PGR: variants seen among roughly 807,000 people sequenced by gnomAD.
PGR encodes nuclear receptor subfamily 3 group C member 3.
PGR carries 25 observed loss-of-function variants against 76.1 expected under a neutral mutation model. The observed-to-expected ratio is 0.33, with a 90% CI of 0.24 to 0.46. PGR has a LOEUF of 0.46. Ranked by LOEUF, PGR falls within the 20% of genes least tolerant of loss-of-function variation. The pLI is 1.00. For synonymous variants in PGR, 579 were observed against 535.0 expected (o/e 1.08, Z -1.14); for missense variants, 1,172 against 1,225.3 (o/e 0.96, Z 0.65).
intron 2 of PGR, among the ~76,000 whole-genome samples, chr11:101,106,456 A>C (rs1862166087): frequency 6.6e-6 from 1 of 152,228 alleles, no homozygotes; most frequent in African/African-American, 2.4e-5. Flanking sequence ...GCCGACAGAC[A>C]TGAAAAAATG....
chr11:101,047,757 TC>T lies in PGR; in HGVS notation c.2488+2171del, dbSNP rs556410711. On this transcript the variant is annotated intron_variant, in intron 6 of 7. Transcript: ENST00000325455. ...ATCAGTTTGTACATTTGAGGGCTGA[TC>T]CTGCCTATGCAAGGGTCAAAGCAGC... Among the ~76,000 whole-genome samples, 355 of 152,308 alleles carry T rather than the reference TC, an allele frequency of 2.3e-3. 2 individuals are homozygous for T. Among genetic ancestry groups the T allele is most frequent in the African/African-American group, 8.0e-3 (332 of 41,564 alleles).
chr11:101,057,614 T>TA (rs983399156), intron 4 of PGR, among the ~76,000 whole-genome samples: 6 of 152,074 alleles, frequency 3.9e-5, no homozygotes, highest in Non-Finnish European at 8.8e-5. Flanking sequence ...TGAATCCAAG[T>TA]AAAAAAAGAC....
intron 1 of PGR, chr11:101,127,161 G>T (rs965326306): frequency 3.6e-6 from 1 of 276,618 alleles, no homozygotes; most frequent in Non-Finnish European, 6.7e-6. Context: ...GGAAGATTCG[G>T]AAAGTTAAAA....
In PGR at chr11:101,089,205, C is replaced by T. The variant is rs7114950; in HGVS notation, c.1906+2555G>A. Among the ~76,000 whole-genome samples the T allele has an allele frequency of 7.3e-3, 1,112 of 151,642 alleles. 17 individuals carry two copies. Among genetic ancestry groups the T allele is most frequent in the African/African-American group, 0.025 (1,042 of 41,378 alleles). On this transcript the variant is annotated intron_variant, in intron 3 of 7. Coordinates refer to ENST00000325455, the MANE Select transcript of PGR (RefSeq NM_000926.4). ...AAAGCTGAAAAAATAAATAGAGCTG[C>T]GATAGCTGGAAAAAAATGGTCTAAT...
intron 2 of PGR, among the ~76,000 whole-genome samples, chr11:101,113,470 C>G (rs988122105): frequency 4.0e-5 from 6 of 151,112 alleles, no homozygotes; most frequent in Non-Finnish European, 7.4e-5. Context: ...GTTTCTTTCA[C>G]CGTGTTAGCC....
chr11:101,068,867 T>G (rs945651595), intron 3 of PGR, among the ~76,000 whole-genome samples: 4 of 151,980 alleles, frequency 2.6e-5, no homozygotes, highest in Admixed American at 2.6e-4. Flanking sequence ...AAAAATTAAC[T>G]CAAGATGGAC....
intron 5 of PGR, 102 bp from the exon 6 acceptor site, chr11:101,050,161 C>T: frequency 8.6e-7 from 1 of 1,156,364 alleles, no homozygotes; most frequent in Admixed American, 2.0e-5. Context: ...TGGTAATTAC[C>T]TTACATATTA....
In PGR at chr11:101,032,172, TC is replaced by T. The variant is rs1859374251; in HGVS notation, c.*6943del. On this transcript the variant is annotated 3_prime_UTR_variant, in exon 8 of 8. Transcript: ENST00000325455. ...GGTGTATTTCATCTCCTTTCGTCAG[TC>T]CTGTCAATGTTCCTATGTTATATCT... 5 of 232,982 alleles carry T rather than the reference TC, an allele frequency of 2.1e-5. No homozygotes were observed. The East Asian group carries it at 3.0e-4, about 14-fold the overall frequency. 14.4% of individuals were successfully genotyped at this position (232,982 alleles called of 1,614,324 possible). A position where few individuals can be genotyped will look rare whatever the true frequency, so the allele number is the denominator to read the frequency against.
intron 6 of PGR, 119 bp downstream of exon 6, chr11:101,049,810 T>C: frequency 1.0e-5 from 8 of 780,012 alleles, no homozygotes; most frequent in Non-Finnish European, 1.7e-5. Flanking sequence ...GTATTTCTTC[T>C]TTATACTTAT....
intron 2 of PGR, among the ~76,000 whole-genome samples, chr11:101,119,994 T>C (rs1350916291): frequency 6.6e-6 from 1 of 152,196 alleles, no homozygotes; most frequent in African/African-American, 2.4e-5. Flanking sequence ...GCTAATCCAG[T>C]GAAGCAGTTA....
chr11:101,067,612 C>T (rs955866368), intron 3 of PGR, among the ~76,000 whole-genome samples: 1 of 151,878 alleles, frequency 6.6e-6, no homozygotes, highest in Non-Finnish European at 1.5e-5. Flanking sequence ...TGCAGGTTAC[C>T]TACAGAAACT....
intron 6 of PGR, among the ~76,000 whole-genome samples, chr11:101,048,293 G>T (rs1283135000): frequency 6.6e-6 from 1 of 152,174 alleles, no homozygotes; most frequent in Non-Finnish European, 1.5e-5. Flanking sequence ...ATACTTTGGG[G>T]ATGGGGTGAG....
At chr11:101,081,788 C>T (rs1861316008) in intron 3 of PGR, among the ~76,000 whole-genome samples, 1 of 152,146 alleles carries the variant, frequency 6.6e-6, no homozygotes, top group South Asian at 2.1e-4. Flanking sequence ...AAGAACCATA[C>T]CTGCTTCCAC....
At chr11:101,093,207 G>A (rs1402300570) in intron 2 of PGR, among the ~76,000 whole-genome samples, 3 of 152,172 alleles carry the variant, frequency 2.0e-5, no homozygotes, top group African/African-American at 7.2e-5. Context: ...ACCTAATAAA[G>A]GGTAACTGTG....
rs990658400 is a variant in PGR at position 101,033,714 on chromosome 11, T to A, written c.*5402A>T. On this transcript the variant is annotated 3_prime_UTR_variant, in exon 8 of 8. Coordinates refer to ENST00000325455, the MANE Select transcript of PGR (RefSeq NM_000926.4). ...CTGGGGGAGGAGAAAATAAAAGGTA[T>A]TTTTAGTGGCAAAAAGCTTGAAACC... 1.5e-5 allele frequency: 3 copies of A among 203,954 alleles called. No homozygotes were observed. Among genetic ancestry groups the A allele is most frequent in the Non-Finnish European group, 3.0e-5 (3 of 99,672 alleles). 12.6% of individuals were successfully genotyped at this position (203,954 alleles called of 1,614,324 possible).
chr11:101,115,305 T>C (rs1338083945), intron 2 of PGR, among the ~76,000 whole-genome samples: 1 of 152,104 alleles, frequency 6.6e-6, no homozygotes, highest in Non-Finnish European at 1.5e-5. Context: ...CTAAATATGA[T>C]CTTTTTCCCC....
At chr11:101,045,341 C>T (rs1859834389) in intron 6 of PGR, among the ~76,000 whole-genome samples, 2 of 152,164 alleles carry the variant, frequency 1.3e-5, no homozygotes, top group Admixed American at 6.5e-5. Flanking sequence ...TAATGACCAT[C>T]TGTGCAGTTT....
chr11:101,038,263 T>C lies in PGR; in HGVS notation c.*853A>G, dbSNP rs2135374568. 5.0e-6 allele frequency: 1 copy of C among 198,300 alleles called. No individual in the cohort carries two copies. Among genetic ancestry groups the C allele is most frequent in the South Asian group, 1.9e-4 (1 of 5,254 alleles). 12.3% of individuals were successfully genotyped at this position (198,300 alleles called of 1,614,324 possible). A position where few individuals can be genotyped will look rare whatever the true frequency, so the allele number is the denominator to read the frequency against. On this transcript the variant is annotated 3_prime_UTR_variant, in exon 8 of 8. Transcript: ENST00000325455. ...GGAGCAATTGGCAGGAAAGATATTTTACTACTTTCAAAGGTGAGAGAATTG... is the reference window on the plus strand; with the variant it reads ...GGAGCAATTGGCAGGAAAGATATTTCACTACTTTCAAAGGTGAGAGAATTG...
intron 2 of PGR, among the ~76,000 whole-genome samples, chr11:101,117,767 C>T (rs1244038870): frequency 6.6e-6 from 1 of 152,092 alleles, no homozygotes; most frequent in Non-Finnish European, 1.5e-5. Flanking sequence ...ATCTTACTAG[C>T]TCAATAAACT....
Sources: gnomAD v4.1 joint callset for allele counts (sites outside exome capture counted in the v4.1 genomes callset) on GRCh38, gnomAD v4.1.1 for gene constraint, MANE v1.5 for transcripts, NCBI Gene and HGNC (gene_info 2026-07-23, HGNC 2026-07-21) for gene names.